BOD1: variants seen among roughly 807,000 people sequenced by gnomAD.
BOD1 encodes biorientation of chromosomes in cell division 1.
BOD1 carries 11 observed loss-of-function variants against 15.7 expected under a neutral mutation model. That is an observed-to-expected ratio of 0.70 (90% CI 0.44 to 1.16). The LOEUF (loss-of-function observed/expected upper bound fraction) is 1.16. BOD1 is among the 50% of genes most tolerant of loss of function. The pLI is 0.00. For missense variants in BOD1, 182 were observed against 244.5 expected (o/e 0.74, Z 1.70); for synonymous variants, 105 against 103.5 (o/e 1.01, Z -0.09).
At chr5:173,611,300 G>A (rs966224420) in intron 2 of BOD1, among the ~76,000 whole-genome samples, 56 of 152,238 alleles carry the variant, frequency 3.7e-4, no homozygotes, top group African/African-American at 1.2e-3. Flanking sequence ...TGTGGCACTG[G>A]GTTACAGCAT....
intron 1 of BOD1, among the ~76,000 whole-genome samples, chr5:173,614,222 A>G (rs1219030361): frequency 6.6e-6 from 1 of 152,230 alleles, no homozygotes; most frequent in East Asian, 1.9e-4. Context: ...TCCCCTTTGC[A>G]TAAAGCAGTT....
chr5:173,611,403 G>A (rs545325694), intron 2 of BOD1, among the ~76,000 whole-genome samples: 41 of 152,172 alleles, frequency 2.7e-4, no homozygotes, highest in Non-Finnish European at 5.4e-4. Flanking sequence ...GAAAGTCTGC[G>A]TTTCGAAACT....
At position 173,608,228 on chromosome 5, in the gene BOD1, C is replaced by T; in HGVS notation, c.*66G>A. The stretch of plus-strand genomic sequence containing the variant: ...TTGGCCTATCTTCAGTCTGAAGTTG[C>T]ACTCTTATGTAACCGAATCCATTTC... On this transcript the variant is annotated 3_prime_UTR_variant, in exon 4 of 4. Coordinates refer to ENST00000311086, the MANE Select transcript of BOD1 (RefSeq NM_138369.3). 6.3e-7 allele frequency: 1 copy of T among 1,596,788 alleles called. No homozygotes were observed. Among genetic ancestry groups the T allele is most frequent in the South Asian group, 1.1e-5 (1 of 90,620 alleles).
At chr5:173,609,724 CAAAT>C in intron 2 of BOD1, 1 of 343,414 alleles carries the variant, frequency 2.9e-6, no homozygotes, top group East Asian at 5.6e-5. Flanking sequence ...AAACAACAAA[CAAAT>C]GACAGCATGG....
chr5:173,616,160 G>A lies in BOD1; in HGVS notation c.237+40C>T, dbSNP rs921454027. The A allele has an allele frequency of 1.0e-5, 16 of 1,555,672 alleles. No individual in the cohort carries two copies. In the Admixed American group the frequency reaches 2.8e-4, roughly 28 times the overall value. On this transcript the variant is annotated intron_variant, in intron 1 of 3. Transcript: ENST00000311086. ...CAAAGCTGCCACCCGGCGGCCTCAC[G>A]TGCAGCCCCGCTCCCCAACGCCCAG... is the stretch of plus-strand genomic sequence containing the variant.
chr5:173,613,389 A>C, intron 1 of BOD1, 134 bp from the exon 2 acceptor site: 1 of 1,075,012 alleles, frequency 9.3e-7, no homozygotes, highest in South Asian at 1.4e-5. Context: ...GAAGATCACC[A>C]TGCAATGTGG....
Position 173,607,580 on chromosome 5 carries a change from TA to T in BOD1, c.*713del, listed in dbSNP as rs1171330674. On this transcript the variant is annotated 3_prime_UTR_variant, in exon 4 of 4. Transcript: ENST00000311086. ...GCCATTTATTGACCATTCACTTTTC[TA>T]AAAAAACACAAATGTGAGAATAAAA... The T allele has an allele frequency of 6.6e-6, 1 of 152,230 alleles. No individual in the cohort carries two copies. The highest frequency in any genetic ancestry group is 1.5e-5 in the Non-Finnish European group (1 of 68,024). 9.4% of individuals were successfully genotyped at this position (152,230 alleles called of 1,614,324 possible).
intron 1 of BOD1, among the ~76,000 whole-genome samples, chr5:173,614,026 A>C (rs959733385): frequency 6.6e-6 from 1 of 152,232 alleles, no homozygotes; most frequent in Admixed American, 6.5e-5. Flanking sequence ...AAGAAGCTGT[A>C]AAATGTAATC....
At position 173,616,590 on chromosome 5, in the gene BOD1, GGGC is replaced by G; in HGVS notation, c.-157_-155del. 2 of 1,356,846 alleles carry G rather than the reference GGGC, an allele frequency of 1.5e-6. No individual in the cohort carries two copies. Among genetic ancestry groups the G allele is most frequent in the Non-Finnish European group, 1.9e-6 (2 of 1,062,108 alleles). 84.1% of individuals were successfully genotyped at this position (1,356,846 alleles called of 1,614,324 possible). A position where few individuals can be genotyped will look rare whatever the true frequency, so the allele number is the denominator to read the frequency against. ...GCGATGGCGGCAGGGGCGGTGGTGG[GGGC>G]GGCGGCGGCGAAGGCCCCCTCTGAT... On this transcript the variant is annotated 5_prime_UTR_variant, in exon 1 of 4. Transcript: ENST00000311086.
chr5:173,616,182 C>T lies in BOD1; in HGVS notation c.237+18G>A, dbSNP rs1581247499. ...CACGTGCAGCCCCGCTCCCCAACGC[C>T]CAGGCGGCCGCAGCTACCTTGGTGT... On this transcript the variant is annotated intron_variant, in intron 1 of 3. Coordinates refer to ENST00000311086, the MANE Select transcript of BOD1 (RefSeq NM_138369.3). 3.2e-6 allele frequency: 5 copies of T among 1,570,106 alleles called. No homozygotes were observed. Among genetic ancestry groups the T allele is most frequent in the Non-Finnish European group, 4.3e-6 (5 of 1,158,672 alleles).
intron 1 of BOD1, 142 bp downstream of exon 1, chr5:173,616,058 T>C (rs1409451197): frequency 2.9e-6 from 3 of 1,038,204 alleles, no homozygotes; most frequent in Non-Finnish European, 2.8e-6. Context: ...AAGCTCTCCG[T>C]ACTGCCCCAA....
chr5:173,613,874 GC>G (rs1269023522), intron 1 of BOD1, among the ~76,000 whole-genome samples: 1 of 152,208 alleles, frequency 6.6e-6, no homozygotes, highest in African/African-American at 2.4e-5. Flanking sequence ...GCCTAGTAAC[GC>G]CTTCTTTCTA....
chr5:173,612,200 T>A (rs1245777084), intron 2 of BOD1, among the ~76,000 whole-genome samples: 1 of 152,252 alleles, frequency 6.6e-6, no homozygotes, highest in Admixed American at 6.5e-5. Context: ...TTAAAAACTT[T>A]AGAAATCTTA....
In BOD1 at chr5:173,616,311, G is replaced by T; in HGVS notation, c.126C>A (p.Ala42=). Residue 42 remains alanine (A), a synonymous_variant, in exon 1 of 4, where the codon GCC becomes GCA. Transcript: ENST00000311086. ...GCTGCGGGTCGCCGGGAGGCAGCGA[G>T]GCCGGGTTGATGGGGCCACCGCCCC... ...ASGGGGPINP[A]SLPPGDPQLI... 6.5e-7 allele frequency: 1 copy of T among 1,538,846 alleles called. No individual in the cohort carries two copies.
At chr5:173,610,566 C>T (rs1395922421) in intron 2 of BOD1, among the ~76,000 whole-genome samples, 3 of 152,040 alleles carry the variant, frequency 2.0e-5, no homozygotes, top group Admixed American at 6.5e-5. Context: ...CAGTATCGGC[C>T]CTTAGTGATG....
chr5:173,613,311 A>G, intron 1 of BOD1, 56 bp from the exon 2 acceptor site: 1 of 1,602,292 alleles, frequency 6.2e-7, no homozygotes, highest in Non-Finnish European at 8.5e-7. Flanking sequence ...AAAGTTTTGA[A>G]CTTAGTCTCT....
chr5:173,610,719 G>A (rs962778392), intron 2 of BOD1, among the ~76,000 whole-genome samples: 1 of 152,192 alleles, frequency 6.6e-6, no homozygotes, highest in African/African-American at 2.4e-5. Context: ...TTTACCAGAT[G>A]TAAAAGCTTG....
intron 2 of BOD1, among the ~76,000 whole-genome samples, chr5:173,609,933 T>C (rs1238733756): frequency 6.6e-6 from 1 of 152,234 alleles, no homozygotes; most frequent in Non-Finnish European, 1.5e-5. Flanking sequence ...AGTATTTACA[T>C]CACCAGCAAT....
chr5:173,608,465 T>C (rs1156258086), intron 3 of BOD1, among the ~76,000 whole-genome samples, 173 bp from the exon 4 acceptor site: 3 of 152,218 alleles, frequency 2.0e-5, no homozygotes, highest in Non-Finnish European at 2.9e-5. Context: ...ACAGTCCTGA[T>C]GCTCTTGCGT....
Sources: gnomAD v4.1 joint callset for allele counts (sites outside exome capture counted in the v4.1 genomes callset) on GRCh38, gnomAD v4.1.1 for gene constraint, MANE v1.5 for transcripts, NCBI Gene and HGNC (gene_info 2026-07-23, HGNC 2026-07-21) for gene names.